The following LIPE variants were observed in gnomAD, a reference collection of about 807,000 sequenced individuals.
LIPE encodes lipase E, hormone sensitive type.
In LIPE, 66 loss-of-function variants were observed where a neutral mutation model predicts 88.5. That is an observed-to-expected ratio of 0.75 (90% CI 0.61 to 0.91). The LOEUF (loss-of-function observed/expected upper bound fraction) is 0.91, where lower values mean the gene tolerates loss of function less well. Ranked by LOEUF, LIPE falls within the 40% of genes least tolerant of loss-of-function variation. LIPE has a pLI of 0.00. For synonymous variants in LIPE, 570 were observed against 617.5 expected, an observed-to-expected ratio of 0.92 and a Z score of 1.14; for missense variants, 1,346 against 1,434.7, an observed-to-expected ratio of 0.94 and a Z score of 1.00.
rs200935735 is a variant in LIPE, at chr19:42,403,292, T to TGTGTGAGA, written c.2543-262_2543-261insTCTCACAC. Among the ~76,000 whole-genome samples, 15 of 129,214 alleles carry TGTGTGAGA rather than the reference T, an allele frequency of 1.2e-4. No homozygotes were observed. In the South Asian group the frequency reaches 2.6e-3, roughly 23 times the overall value. The allele number at this position is 129,214 out of a possible 152,430, so 84.8% of individuals were successfully genotyped here. A position where few individuals can be genotyped will look rare whatever the true frequency, so the allele number is the denominator to read the frequency against. ...GTGTGTGTGTGTGTGTGTGTGTGTG[T>TGTGTGAGA]GACTGGGAAGATTAGGTGCAGTTTA... On this transcript the variant is annotated intron_variant, in intron 8 of 9. Coordinates refer to ENST00000244289, the MANE Select transcript of LIPE (RefSeq NM_005357.4).
At chr19:42,419,791 A>T (rs1015888278) in intron 1 of LIPE, among the ~76,000 whole-genome samples, 2 of 152,114 alleles carry the variant, frequency 1.3e-5, no homozygotes, top group African/African-American at 2.4e-5. Flanking sequence ...AATCAGATGC[A>T]GGTGGGGACA....
rs377553422 is a variant in LIPE at position 42,408,412 on chromosome 19, C to A, written c.1420-90G>T. On this transcript the variant is annotated intron_variant, in intron 2 of 9. Coordinates refer to ENST00000244289, the MANE Select transcript of LIPE (RefSeq NM_005357.4). This position sits in a 1 kb window ranked among gnomAD's most constrained non-coding sequence, Gnocchi z 4.3. ...GGCACAGGGATGTGCGGGGAAGACA[C>A]ATTCATTCAGTAAACGTTTCATGAG... is the stretch of plus-strand genomic sequence containing the variant. 2 of 1,044,784 alleles carry A rather than the reference C, an allele frequency of 1.9e-6. No individual in the cohort carries two copies. Among genetic ancestry groups the A allele is most frequent in the South Asian group, 1.3e-5 (1 of 78,714 alleles). 64.7% of individuals were successfully genotyped at this position (1,044,784 alleles called of 1,614,324 possible).
chr19:42,412,175 T>G, intron 1 of LIPE: 1 of 652,836 alleles, frequency 1.5e-6, no homozygotes, highest in Non-Finnish European at 1.9e-6. Flanking sequence ...GGCTGCCCTG[T>G]TTCTTGGATG....
intron 9 of LIPE, 138 bp from the exon 10 acceptor site, chr19:42,402,213 G>A: frequency 2.5e-6 from 2 of 815,522 alleles, no homozygotes; most frequent in Non-Finnish European, 3.6e-6. Flanking sequence ...CAGGAGACAT[G>A]GTGGGTGAGG....
intron 1 of LIPE, among the ~76,000 whole-genome samples, chr19:42,416,860 A>T (rs1164280955): frequency 1.4e-4 from 22 of 152,200 alleles, no homozygotes; most frequent in Non-Finnish European, 2.9e-5. Context: ...CTAACACATG[A>T]TCTGTTCTGC....
intron 1 of LIPE, among the ~76,000 whole-genome samples, chr19:42,425,694 C>T (rs946388363): frequency 6.6e-6 from 1 of 152,138 alleles, no homozygotes; most frequent in Non-Finnish European, 1.5e-5. Flanking sequence ...CTTGTAGTCC[C>T]ACCTACTCCG....
intron 1 of LIPE, among the ~76,000 whole-genome samples, chr19:42,413,195 G>A (rs754529230): frequency 2.6e-5 from 4 of 152,152 alleles, no homozygotes; most frequent in Non-Finnish European, 5.9e-5. Flanking sequence ...GCACGCCCCC[G>A]TTATTTTCTG....
chr19:42,425,026 G>C (rs908022157), intron 1 of LIPE: 3 of 241,946 alleles, frequency 1.2e-5, no homozygotes, highest in Non-Finnish European at 2.5e-5. Flanking sequence ...CCTCTCTCCC[G>C]GCTCCTCCTT....
chr19:42,406,732 G>A lies in LIPE; in HGVS notation c.2138-344C>T, dbSNP rs1391802166. On this transcript the variant is annotated intron_variant, in intron 6 of 9. Transcript: ENST00000244289. This position sits in a 1 kb window ranked among gnomAD's most constrained non-coding sequence, Gnocchi z 5.7. ...GGGGCCTCAGAGGGCGGGAATGGAA[G>A]GTCAGGGTTCAGGGTCAGTACAGAG... Among the ~76,000 whole-genome samples, 1 of 152,168 alleles carries A rather than the reference G, an allele frequency of 6.6e-6. No individual in the cohort carries two copies. The highest frequency in any genetic ancestry group is 2.4e-5 in the African/African-American group (1 of 41,446).
At chr19:42,413,436 C>T (rs990826468) in intron 1 of LIPE, among the ~76,000 whole-genome samples, 3 of 152,090 alleles carry the variant, frequency 2.0e-5, no homozygotes, top group Non-Finnish European at 2.9e-5. Flanking sequence ...GAGGCCGAGG[C>T]GGGCGGATCA....
chr19:42,417,378 G>A (rs1397319334), intron 1 of LIPE, among the ~76,000 whole-genome samples: 6 of 152,034 alleles, frequency 3.9e-5, no homozygotes, highest in Admixed American at 2.6e-4. Flanking sequence ...TCCTACTTCA[G>A]CCTCCTGAGT....
chr19:42,401,971 G>A lies in LIPE; in HGVS notation c.3072C>T (p.His1024=), dbSNP rs1458588776. ...ACAGCGCCGCTAGGGTCAGGAAGCC[G>A]TGCGGCAGGTCCTCCACCACGCGCA... is the stretch of plus-strand genomic sequence containing the variant. ...VTLRVVEDLP[H]GFLTLAALCR... is the part of the protein sequence containing the mutation. The change falls in exon 10 of 10, where the codon CAC becomes CAT. Residue 1024 remains histidine, a synonymous_variant. Coordinates refer to ENST00000244289, the MANE Select transcript of LIPE (RefSeq NM_005357.4). 1 of 1,556,560 alleles carries A rather than the reference G, an allele frequency of 6.4e-7. No individual in the cohort carries two copies. The highest frequency in any genetic ancestry group is 8.7e-7 in the Non-Finnish European group (1 of 1,153,798).
rs1421713008 is a variant in LIPE at position 42,410,469 on chromosome 19, G to A, written c.1257C>T (p.Leu419=). ...LAELEAYLAA[L]TQLRALVYYA... ...AGTAGACCAGAGCGCGGAGCTGGGT[G>A]AGGGCAGCCAGGTAGGCCTCCAGCT... Residue 419 remains leucine (L), a synonymous_variant, in exon 2 of 10, where the codon CTC becomes CTT. Coordinates refer to ENST00000244289, the MANE Select transcript of LIPE (RefSeq NM_005357.4). This position sits in a 1 kb window ranked among gnomAD's most constrained non-coding sequence, Gnocchi z 6.1. The A allele has an allele frequency of 6.2e-7, 1 of 1,613,966 alleles. No individual in the cohort carries two copies. Among genetic ancestry groups the A allele is most frequent in the Non-Finnish European group, 8.5e-7 (1 of 1,180,042 alleles).
chr19:42,405,974 T>TCACACACA (rs1483781593), intron 7 of LIPE, 187 bp downstream of exon 7: 14 of 481,820 alleles, frequency 2.9e-5, no homozygotes, highest in Non-Finnish European at 4.0e-5. Flanking sequence ...TCTCTCTCTC[T>TCACACACA]CTCACACACA....
chr19:42,401,820 G>GCCCCCCCCCC lies in LIPE; in HGVS notation c.3222_3223insGGGGGGGGGG (p.Arg1075GlyfsTer19). 5 of 1,479,342 alleles carry GCCCCCCCCCC rather than the reference G, an allele frequency of 3.4e-6. No homozygotes were observed. Among genetic ancestry groups the GCCCCCCCCCC allele is most frequent in the Non-Finnish European group, 4.5e-6 (5 of 1,117,862 alleles). 91.6% of individuals were successfully genotyped at this position (1,479,342 alleles called of 1,614,324 possible). A position where few individuals can be genotyped will look rare whatever the true frequency, so the allele number is the denominator to read the frequency against. ...ATGGGAACAACAGGCTTTTAGTGTC[G>GCCCCCCCCCC]CCCCCCGCAGCCCCCGTCTACCCCC... On this transcript the variant is annotated frameshift_variant, in exon 10 of 10. Transcript: ENST00000244289. LOFTEE classifies it high-confidence loss of function.
Position 42,401,972 on chromosome 19 carries a change from T to C in LIPE, c.3071A>G (p.His1024Arg). ...VTLRVVEDLP[H>R]GFLTLAALCR... is the part of the protein sequence containing the mutation. ...CAGCGCCGCTAGGGTCAGGAAGCCG[T>C]GCGGCAGGTCCTCCACCACGCGCAG... Residue 1024 changes from histidine to arginine, a missense_variant, in exon 10 of 10, where the codon CAC becomes CGC. Physicochemically the swap from His to Arg is conservative, Grantham distance 29 (BLOSUM62 0). Transcript: ENST00000244289. 1 of 1,556,840 alleles carries C rather than the reference T, an allele frequency of 6.4e-7. No individual in the cohort carries two copies. The highest frequency in any genetic ancestry group is 8.7e-7 in the Non-Finnish European group (1 of 1,153,862).
At chr19:42,423,369 T>C (rs10422283) in intron 1 of LIPE, 96,244 of 1,259,560 alleles carry the variant, frequency 0.076, 5,520 homozygotes, top group African/African-American at 0.25. Context: ...CACTGCCCCG[T>C]AGGATGTACG....
intron 1 of LIPE, chr19:42,423,533 C>T: frequency 8.8e-6 from 11 of 1,253,232 alleles, no homozygotes; most frequent in Non-Finnish European, 1.1e-5. Context: ...CCGGCCAACT[C>T]CATCAATTCC....
rs1489602669 is a variant in LIPE, at chr19:42,402,532, G to T, written c.2967+75C>A. ...GGAGCTCTTTTTCCCAGGTGTACCC[G>T]TGCCCGGTCCCCCTCCTCCCCGGGT... On this transcript the variant is annotated intron_variant, in intron 9 of 9. Transcript: ENST00000244289. 3 of 1,330,380 alleles carry T rather than the reference G, an allele frequency of 2.3e-6. No individual in the cohort carries two copies. The Admixed American group carries it at 8.3e-5, about 37-fold the overall frequency. The allele number at this position is 1,330,380 out of a possible 1,614,324, so 82.4% of individuals were successfully genotyped here.
Sources: allele counts gnomAD v4.1 joint callset (sites outside exome capture counted in the v4.1 genomes callset), GRCh38; gene constraint gnomAD v4.1.1; non-coding constraint Gnocchi (gnomAD v3.1); transcripts MANE v1.5; gene names NCBI Gene and HGNC (gene_info 2026-07-23, HGNC 2026-07-21).